MAPRE2: variants seen among roughly 807,000 people sequenced by gnomAD.
MAPRE2 encodes microtubule associated protein RP/EB family member 2.
Under a neutral mutation model 43.2 loss-of-function variants are expected in MAPRE2, and 13 were observed. That is an observed-to-expected ratio of 0.30 (90% confidence interval 0.20 to 0.48). MAPRE2 has a LOEUF of 0.48. MAPRE2 is among the 20% of genes least tolerant of loss of function. MAPRE2 has a pLI of 0.99. For missense variants in MAPRE2, 161 were observed against 400.2 expected (o/e 0.40, Z 5.10); for synonymous variants, 135 against 148.8 (o/e 0.91, Z 0.68).
intron 2 of MAPRE2, among the ~76,000 whole-genome samples, chr18:35,095,744 G>A (rs765376867): frequency 1.3e-5 from 2 of 152,124 alleles, no homozygotes; most frequent in Non-Finnish European, 2.9e-5. Context: ...ATTGGAATTT[G>A]CTCCATCTGG....
At position 35,022,908 on chromosome 18, in the gene MAPRE2, C is replaced by T. The variant is rs140258898; in HGVS notation, c.-8+17355C>T. On this transcript the variant is annotated intron_variant, in intron 2 of 7. Transcript: ENST00000413393. The stretch of plus-strand genomic sequence containing the variant: ...TACTTAAAGGTTGTAAAAGTAACCA[C>T]TAGAATAATTAAAACTATTACCAAT... Among the ~76,000 whole-genome samples the T allele has an allele frequency of 2.5e-4, 38 of 152,158 alleles. No individual in the cohort carries two copies. The East Asian group carries it at 4.3e-3, about 17-fold the overall frequency.
chr18:34,991,334 G>A (rs1007205994), intron 1 of MAPRE2, among the ~76,000 whole-genome samples: 39 of 152,134 alleles, frequency 2.6e-4, no homozygotes, highest in African/African-American at 8.4e-4. Flanking sequence ...TTCTGTGTTC[G>A]TTCACTGAGC....
intron 2 of MAPRE2, among the ~76,000 whole-genome samples, chr18:35,024,994 C>G (rs906768634): frequency 2.6e-5 from 4 of 152,140 alleles, no homozygotes; most frequent in Non-Finnish European, 5.9e-5. Context: ...ATTCTGAAGT[C>G]TTTTTAGTGA....
At chr18:35,047,028 T>C (rs7238362) in intron 1 of MAPRE2, among the ~76,000 whole-genome samples, 1 of 152,168 alleles carries the variant, frequency 6.6e-6, no homozygotes, top group Admixed American at 6.5e-5. Context: ...AAAGTTCCGA[T>C]GTGGCTGATG....
chr18:35,085,755 A>G (rs1907845847), intron 2 of MAPRE2, among the ~76,000 whole-genome samples: 1 of 152,180 alleles, frequency 6.6e-6, no homozygotes, highest in South Asian at 2.1e-4. Context: ...AAAATCATCT[A>G]ATTTTAGAGA....
chr18:35,034,840 A>G (rs1603392179), intron 2 of MAPRE2, among the ~76,000 whole-genome samples: 1 of 152,336 alleles, frequency 6.6e-6, no homozygotes, highest in Non-Finnish European at 1.5e-5. Flanking sequence ...TAGAATGGCA[A>G]TCATTAAAAA....
At chr18:34,985,578 A>G (rs1203020421) in intron 1 of MAPRE2, among the ~76,000 whole-genome samples, 1 of 77,044 alleles carries the variant, frequency 1.3e-5, no homozygotes, top group East Asian at 3.3e-4. Context: ...TAATATATAA[A>G]CTATAAACTA....
intron 2 of MAPRE2, among the ~76,000 whole-genome samples, chr18:35,008,297 A>T (rs1315621778): frequency 1.3e-5 from 2 of 152,182 alleles, no homozygotes; most frequent in African/African-American, 4.8e-5. Context: ...TGGGAAATAT[A>T]ATCAGTCACG....
intron 1 of MAPRE2, among the ~76,000 whole-genome samples, chr18:35,042,429 T>C (rs1905415883): frequency 6.6e-6 from 1 of 152,342 alleles, no homozygotes; most frequent in South Asian, 2.1e-4. Flanking sequence ...TCTTGGTCAT[T>C]GTATTGTGAG....
At chr18:35,057,507 C>CGTGTGTGTGTGTGTGTGTGTGTGT (rs58171272) in intron 1 of MAPRE2, among the ~76,000 whole-genome samples, 234 of 149,512 alleles carry the variant, frequency 1.6e-3, no homozygotes, top group Middle Eastern at 0.014. Flanking sequence ...GGAGTGTGTG[C>CGTGTGTGTGTGTGTGTGTGTGTGT]GTGTGTGTGT....
At chr18:34,978,127 C>T (rs1446715444) in intron 1 of MAPRE2, 3 of 285,654 alleles carry the variant, frequency 1.1e-5, no homozygotes, top group South Asian at 7.1e-5. Flanking sequence ...ATATTACGAA[C>T]ATTAGCCTTT....
At chr18:35,005,066 G>T (rs1478543834) in intron 1 of MAPRE2, among the ~76,000 whole-genome samples, 1 of 152,068 alleles carries the variant, frequency 6.6e-6, no homozygotes, top group Admixed American at 6.5e-5. Context: ...TATAAAACCT[G>T]GTTAAACCTA....
intron 4 of MAPRE2, among the ~76,000 whole-genome samples, chr18:35,103,201 A>G (rs1908757792): frequency 6.6e-6 from 1 of 152,142 alleles, no homozygotes; most frequent in Admixed American, 6.5e-5. Flanking sequence ...TAACATGAAT[A>G]CTCATACTCA....
chr18:35,024,096 T>A (rs2097043640), intron 2 of MAPRE2, among the ~76,000 whole-genome samples: 1 of 152,226 alleles, frequency 6.6e-6, no homozygotes, highest in Admixed American at 6.5e-5. Context: ...AAAGCGTTGA[T>A]GCTTCAGGCT....
chr18:35,056,233 TAATC>T (rs1159631966), intron 1 of MAPRE2, among the ~76,000 whole-genome samples: 2 of 152,136 alleles, frequency 1.3e-5, no homozygotes, highest in African/African-American at 4.8e-5. Context: ...TTTAAATAAT[TAATC>T]CTTTGTAGCA....
intron 1 of MAPRE2, among the ~76,000 whole-genome samples, chr18:34,977,509 G>A (rs188111519): frequency 2.6e-4 from 39 of 152,352 alleles, no homozygotes; most frequent in Admixed American, 2.5e-3. Context: ...CTCTAGCTGG[G>A]GCGCCGGCAC....
intron 1 of MAPRE2, among the ~76,000 whole-genome samples, chr18:35,048,253 G>A (rs1035099705): frequency 6.6e-6 from 1 of 152,112 alleles, no homozygotes; most frequent in African/African-American, 2.4e-5. Flanking sequence ...GTCACTCAGT[G>A]TCATGAGGAC....
intron 2 of MAPRE2, among the ~76,000 whole-genome samples, chr18:35,093,682 G>A (rs557704423): frequency 6.6e-6 from 1 of 152,306 alleles, no homozygotes; most frequent in East Asian, 1.9e-4. Flanking sequence ...GACAAATACT[G>A]CATGATCTTC....
At chr18:35,012,623 T>A (rs1338097840) in intron 2 of MAPRE2, among the ~76,000 whole-genome samples, 1 of 152,242 alleles carries the variant, frequency 6.6e-6, no homozygotes, top group East Asian at 1.9e-4. Flanking sequence ...GCCAATGCGT[T>A]AAGTGAAATA....
Sources: allele counts gnomAD v4.1 joint callset (sites outside exome capture counted in the v4.1 genomes callset), GRCh38; gene constraint gnomAD v4.1.1; transcripts MANE v1.5; gene names NCBI Gene and HGNC (gene_info 2026-07-23, HGNC 2026-07-21).